GRM7: variants seen among roughly 807,000 people sequenced by gnomAD.
GRM7 encodes the protein metabotropic glutamate receptor 7.
In GRM7, 35 loss-of-function variants were observed where a neutral mutation model predicts 84.5. That is an observed-to-expected ratio of 0.41 (90% CI 0.32 to 0.55). The LOEUF (loss-of-function observed/expected upper bound fraction) is 0.55, where lower values mean the gene tolerates loss of function less well. Among genes scored for constraint, GRM7 ranks in the 20% least tolerant of loss-of-function variants. The pLI is 0.19. For synonymous variants in GRM7, 487 were observed against 455.1 expected (o/e 1.07, Z -0.89); for missense variants, 1,003 against 1,194.6 (o/e 0.84, Z 2.36).
chr3:6,979,261 T>C (rs1694108728), intron 1 of GRM7, among the ~76,000 whole-genome samples: 3 of 152,262 alleles, frequency 2.0e-5, no homozygotes, highest in African/African-American at 7.2e-5. Flanking sequence ...TCAGCCATGA[T>C]CATCTCAAGC....
rs77965521 is a variant in GRM7, at chr3:7,478,501, A to T, written c.1515+16779A>T. Among the ~76,000 whole-genome samples, 415 of 152,352 alleles carry T rather than the reference A, an allele frequency of 2.7e-3. 3 individuals carry two copies. The highest frequency in any genetic ancestry group is 9.6e-3 in the African/African-American group (399 of 41,580). The stretch of plus-strand genomic sequence containing the variant: ...AATTTAATCAGCAAATATCTTTGCT[A>T]GTCCTCTTTCTTTTTGCCAAGAGCA... On this transcript the variant is annotated intron_variant, in intron 7 of 9. Coordinates refer to ENST00000357716, the MANE Select transcript of GRM7 (RefSeq NM_000844.4).
At chr3:7,329,778 G>T (rs905324248) in intron 4 of GRM7, among the ~76,000 whole-genome samples, 3 of 152,046 alleles carry the variant, frequency 2.0e-5, no homozygotes, top group African/African-American at 4.8e-5. Flanking sequence ...TCATATATCT[G>T]TGAGTGGGGG....
chr3:7,118,258 G>T (rs1470643510), intron 1 of GRM7, among the ~76,000 whole-genome samples: 1 of 151,684 alleles, frequency 6.6e-6, no homozygotes, highest in Non-Finnish European at 1.5e-5. Flanking sequence ...GGGCATGGTT[G>T]TATGCATCTG....
chr3:7,257,510 T>G (rs1338539715), intron 2 of GRM7, among the ~76,000 whole-genome samples: 2 of 152,162 alleles, frequency 1.3e-5, no homozygotes, highest in African/African-American at 4.8e-5. Context: ...TTGCTCTGAT[T>G]TGGCTTCTGT....
intron 5 of GRM7, among the ~76,000 whole-genome samples, chr3:7,448,965 C>T (rs1014041468): frequency 1.3e-5 from 2 of 150,408 alleles, no homozygotes; most frequent in African/African-American, 2.4e-5. Context: ...TTTCTAAGTT[C>T]TATAAAAAAT....
intron 8 of GRM7, chr3:7,591,442 C>A: frequency 2.2e-6 from 1 of 444,780 alleles, no homozygotes; most frequent in South Asian, 1.6e-5. Context: ...CCAAAGTGAT[C>A]AAATCTTTTA....
At chr3:7,054,410 T>C (rs1009927221) in intron 1 of GRM7, among the ~76,000 whole-genome samples, 1 of 150,770 alleles carries the variant, frequency 6.6e-6, no homozygotes, top group African/African-American at 2.4e-5. Flanking sequence ...AAGATAAGAT[T>C]AAAATGGCTA....
chr3:7,419,241 A>ATGG (rs1388992270), intron 5 of GRM7, among the ~76,000 whole-genome samples: 2 of 152,200 alleles, frequency 1.3e-5, no homozygotes, highest in African/African-American at 2.4e-5. Flanking sequence ...ATGCAATGTT[A>ATGG]TGCTATGAGT....
intron 4 of GRM7, among the ~76,000 whole-genome samples, chr3:7,312,936 C>CTTTTTTTTTTT (rs372557190): frequency 7.9e-6 from 1 of 127,262 alleles, no homozygotes; most frequent in Non-Finnish European, 1.7e-5. Context: ...TTCTTTTTTT[C>CTTTTTTTTTTT]TTTTTTTTTT....
chr3:7,508,758 G>T (rs1700109894), intron 7 of GRM7, among the ~76,000 whole-genome samples: 1 of 152,108 alleles, frequency 6.6e-6, no homozygotes, highest in Admixed American at 6.6e-5. Flanking sequence ...AAAAACTTTG[G>T]GAAGGTATCA....
intron 4 of GRM7, among the ~76,000 whole-genome samples, chr3:7,334,505 AAAC>A (rs1414564183): frequency 2.2e-4 from 33 of 152,206 alleles, no homozygotes; most frequent in African/African-American, 7.5e-4. Context: ...ACAAAAACAA[AAAC>A]AAAAACACAA....
At chr3:7,556,651 G>T (rs1427279581) in intron 7 of GRM7, among the ~76,000 whole-genome samples, 1 of 152,152 alleles carries the variant, frequency 6.6e-6, no homozygotes, top group Non-Finnish European at 1.5e-5. Context: ...ACTGAACGTG[G>T]CACTTAGCAA....
intron 7 of GRM7, among the ~76,000 whole-genome samples, chr3:7,568,909 C>T (rs1198145351): frequency 6.6e-6 from 1 of 152,106 alleles, no homozygotes; most frequent in East Asian, 1.9e-4. Flanking sequence ...CCCCAGCCTC[C>T]CGGACGAGCG....
chr3:7,236,550 C>T (rs531223697), intron 2 of GRM7, among the ~76,000 whole-genome samples: 14 of 152,232 alleles, frequency 9.2e-5, no homozygotes, highest in South Asian at 2.1e-4. Context: ...TAGAATGTGG[C>T]GGAAGTAGAC....
chr3:6,927,465 GAAAGAAAGAAAGAAAGAA>G (rs755720537), intron 1 of GRM7, among the ~76,000 whole-genome samples: 9,383 of 112,550 alleles, frequency 0.083, 427 homozygotes, highest in Non-Finnish European at 0.12. Context: ...AAGAGAGAGA[GAAAGAAAGAAAGAAAGAA>G]AGAAAGAAAG....
chr3:7,667,524 T>TA (rs1391974970), intron 8 of GRM7, among the ~76,000 whole-genome samples: 4 of 152,180 alleles, frequency 2.6e-5, no homozygotes, highest in African/African-American at 4.8e-5. Context: ...TTACTTATTT[T>TA]AAAAAATTCA....
At chr3:7,004,008 A>G (rs147373734) in intron 1 of GRM7, among the ~76,000 whole-genome samples, 13 of 152,154 alleles carry the variant, frequency 8.5e-5, no homozygotes, top group African/African-American at 2.9e-4. Flanking sequence ...GTTCCTTGCA[A>G]TGTGAAACTT....
chr3:7,293,613 C>G (rs917023732), intron 2 of GRM7, among the ~76,000 whole-genome samples: 7 of 152,178 alleles, frequency 4.6e-5, no homozygotes, highest in Non-Finnish European at 8.8e-5. Flanking sequence ...CGGGCAGCAT[C>G]AAACTCTGAT....
intron 7 of GRM7, among the ~76,000 whole-genome samples, chr3:7,573,412 T>C (rs1694803449): frequency 6.6e-6 from 1 of 152,154 alleles, no homozygotes; most frequent in Admixed American, 6.5e-5. Flanking sequence ...AAGAAAAATA[T>C]CCCTGAAGTG....
Sources: allele counts gnomAD v4.1 joint callset (sites outside exome capture counted in the v4.1 genomes callset), GRCh38; gene constraint gnomAD v4.1.1; transcripts MANE v1.5; gene names NCBI Gene and HGNC (gene_info 2026-07-23, HGNC 2026-07-21).